CTBP2: variants seen among roughly 807,000 people sequenced by gnomAD.
The protein encoded by CTBP2 is C-terminal-binding protein 2.
In CTBP2, 30 loss-of-function variants were observed where a neutral mutation model predicts 80.3. That is an observed-to-expected ratio of 0.37 (90% CI 0.28 to 0.51). The LOEUF (loss-of-function observed/expected upper bound fraction) is 0.51, where lower values mean the gene tolerates loss of function less well. Ranked by LOEUF, CTBP2 falls within the 20% of genes least tolerant of loss-of-function variation. CTBP2 has a pLI of 0.93. For missense variants in CTBP2, 1,212 were observed against 1,375.3 expected (o/e 0.88, Z 1.88); for synonymous variants, 594 against 587.4 (o/e 1.01, Z -0.16).
At chr10:125,013,122 A>G (rs1459921919) in intron 1 of CTBP2, among the ~76,000 whole-genome samples, 1 of 152,164 alleles carries the variant, frequency 6.6e-6, no homozygotes, top group African/African-American at 2.4e-5. Context: ...CAGCTCCTAA[A>G]CTATGAGATT....
chr10:125,026,052 C>A, intron 1 of CTBP2: 21 of 1,535,588 alleles, frequency 1.4e-5, no homozygotes, highest in Non-Finnish European at 1.8e-5. Context: ...CCCAGGTCCC[C>A]AGGCAGGGCA....
At chr10:125,014,768 C>T (rs1391873734) in intron 1 of CTBP2, among the ~76,000 whole-genome samples, 1 of 152,204 alleles carries the variant, frequency 6.6e-6, no homozygotes, top group Non-Finnish European at 1.5e-5. Context: ...TGAGTTTCAC[C>T]CAGTTCTGAG....
chr10:125,041,613 T>G (rs998862592), intron 2 of CTBP2, among the ~76,000 whole-genome samples: 4 of 149,696 alleles, frequency 2.7e-5, no homozygotes, highest in Non-Finnish European at 5.9e-5. Context: ...AACTGCAGTC[T>G]GGCCCCTCCT....
At position 125,053,984 on chromosome 10, in the gene CTBP2, G is replaced by A. The variant is rs778347538; in HGVS notation, c.-101-14829C>T. ...CAGGACTTCTGGGGAATCCGAAGCC[G>A]GATAGCTCTGCACAGCCACCCACCG... is the stretch of plus-strand genomic sequence containing the variant. On this transcript the variant is annotated intron_variant, in intron 2 of 10. Coordinates refer to the CTBP2 transcript ENST00000337195. 6.6e-5 allele frequency among the ~76,000 whole-genome samples: 10 copies of A among 152,224 alleles called. No individual in the cohort carries two copies. In the South Asian group the frequency reaches 1.7e-3, roughly 25 times the overall value.
At chr10:125,083,574 T>TAAC (rs1847507588) in intron 2 of CTBP2, among the ~76,000 whole-genome samples, 1 of 152,202 alleles carries the variant, frequency 6.6e-6, no homozygotes, top group Admixed American at 6.5e-5. Context: ...TCAAAGACCA[T>TAAC]AACGCAAAGC....
chr10:125,161,563 G>A (rs867715966), upstream of CTBP2, among the ~76,000 whole-genome samples: 2 of 152,264 alleles, frequency 1.3e-5, no homozygotes, highest in Middle Eastern at 3.4e-3. Context: ...GGCGCGGGCC[G>A]GCCACAGGGG....
Position 125,152,889 on chromosome 10 carries a change from T to C in CTBP2, c.-206+7430A>G, listed in dbSNP as rs145996687. Among the ~76,000 whole-genome samples the C allele has an allele frequency of 4.7e-5, 7 of 149,416 alleles. No individual in the cohort carries two copies. The East Asian group carries it at 1.4e-3, about 29-fold the overall frequency. On this transcript the variant is annotated intron_variant, in intron 1 of 10. Transcript: ENST00000337195. Reference sequence around the variant, plus strand: ...AGAGTGCGGACCACAGCTGAACGTCTGGAGAAAGGGAAAAAACTTTAAGAT... The same window carrying C: ...AGAGTGCGGACCACAGCTGAACGTCCGGAGAAAGGGAAAAAACTTTAAGAT...
At chr10:125,145,920 A>ATT (rs112934983) in intron 1 of CTBP2, among the ~76,000 whole-genome samples, 1 of 141,882 alleles carries the variant, frequency 7.0e-6, no homozygotes, top group East Asian at 2.0e-4. Flanking sequence ...TCCAAGTGAG[A>ATT]TTTTTTTTTT....
chr10:125,036,668 G>GGGGTGT (rs1258371613), intron 3 of CTBP2, among the ~76,000 whole-genome samples: 1 of 119,284 alleles, frequency 8.4e-6, no homozygotes, highest in Non-Finnish European at 1.7e-5. Context: ...AGCTAGAGGG[G>GGGGTGT]GTGTGTGTGT....
intron 2 of CTBP2, among the ~76,000 whole-genome samples, chr10:125,040,586 C>A (rs1416010124): frequency 8.0e-6 from 1 of 125,312 alleles, no homozygotes; most frequent in Non-Finnish European, 1.6e-5. Context: ...TTAAGACCAC[C>A]ACCACAACCA....
chr10:125,129,996 G>A (rs1473439192), intron 1 of CTBP2, among the ~76,000 whole-genome samples: 1 of 151,892 alleles, frequency 6.6e-6, no homozygotes, highest in African/African-American at 2.4e-5. Flanking sequence ...ACAGGGCTTG[G>A]AAGCAGGGCA....
upstream of CTBP2, among the ~76,000 whole-genome samples, chr10:125,162,190 C>G (rs374091484): frequency 1.5e-4 from 23 of 152,326 alleles, no homozygotes; most frequent in South Asian, 1.0e-3. Flanking sequence ...ATTGAGATGT[C>G]GAGCAGGAAA....
chr10:125,003,689 G>A (rs1007064173), intron 1 of CTBP2, among the ~76,000 whole-genome samples, 197 bp from the exon 4 acceptor site: 2 of 152,204 alleles, frequency 1.3e-5, no homozygotes, highest in African/African-American at 4.8e-5. Flanking sequence ...ATCCACTTGC[G>A]GCTCTGGCTG....
intron 1 of CTBP2, among the ~76,000 whole-genome samples, chr10:125,130,056 T>C (rs1181324746): frequency 7.2e-6 from 1 of 138,666 alleles, no homozygotes; most frequent in Non-Finnish European, 1.6e-5. Flanking sequence ...TTTTTTTTTT[T>C]CTTCTTTTGA....
chr10:125,048,903 T>C (rs941871425), intron 2 of CTBP2, among the ~76,000 whole-genome samples: 4 of 152,204 alleles, frequency 2.6e-5, no homozygotes, highest in Non-Finnish European at 4.4e-5. Flanking sequence ...GAGACAAGTA[T>C]GATCTTAAGA....
At chr10:125,116,898 A>C (rs991552508) in intron 1 of CTBP2, among the ~76,000 whole-genome samples, 2 of 152,198 alleles carry the variant, frequency 1.3e-5, no homozygotes, top group African/African-American at 4.8e-5. Context: ...CCCAAAACTG[A>C]CCTGCCTACA....
At chr10:125,159,633 C>T (rs1396326723) in intron 1 of CTBP2, among the ~76,000 whole-genome samples, 1 of 150,466 alleles carries the variant, frequency 6.6e-6, no homozygotes, top group Non-Finnish European at 1.5e-5. Context: ...GCGGGATCCC[C>T]CGCCGGCAGG....
chr10:125,089,830 A>C (rs528675097), intron 2 of CTBP2, among the ~76,000 whole-genome samples: 1 of 152,334 alleles, frequency 6.6e-6, no homozygotes, highest in Non-Finnish European at 1.5e-5. Flanking sequence ...GGAATGGCCT[A>C]ATGGGTGGGA....
chr10:125,071,305 T>G (rs1159082261), intron 2 of CTBP2, among the ~76,000 whole-genome samples: 2 of 152,206 alleles, frequency 1.3e-5, no homozygotes, highest in Non-Finnish European at 2.9e-5. Flanking sequence ...GGCACTGGAC[T>G]AGGGGGCCAG....
Sources: gnomAD v4.1 joint callset for allele counts (sites outside exome capture counted in the v4.1 genomes callset) on GRCh38, gnomAD v4.1.1 for gene constraint, MANE v1.5 for transcripts, NCBI Gene and HGNC (gene_info 2026-07-23, HGNC 2026-07-21) for gene names.